Variants in BCAT1 observed in about 807,000 individuals in gnomAD.
BCAT1 encodes the protein branched-chain-amino-acid aminotransferase, cytosolic.
In BCAT1, 48 loss-of-function variants were observed where a neutral mutation model predicts 52.4. The ratio of observed to expected loss-of-function variants is 0.92; its 90% CI spans 0.73 to 1.16. The LOEUF is 1.16. Ranked by LOEUF, BCAT1 falls within the 50% of genes most tolerant of loss-of-function variation. The probability of loss-of-function intolerance (pLI) is 0.00; values close to 1 mark genes in which losing one functional copy is unlikely to be tolerated. For synonymous variants in BCAT1, 167 were observed against 161.3 expected, an observed-to-expected ratio of 1.04 and a Z score of -0.27; for missense variants, 451 against 457.1, an observed-to-expected ratio of 0.99 and a Z score of 0.12.
intron 2 of BCAT1, among the ~76,000 whole-genome samples, chr12:24,897,957 A>G (rs1379158029): frequency 6.6e-6 from 1 of 152,224 alleles, no homozygotes; most frequent in African/African-American, 2.4e-5. Flanking sequence ...AAAACTAAAA[A>G]TAACAACTTT....
intron 6 of BCAT1, 80 bp from the exon 7 acceptor site, chr12:24,842,304 G>A: frequency 2.0e-6 from 3 of 1,496,614 alleles, no homozygotes; most frequent in Non-Finnish European, 2.8e-6. Context: ...ATAGCCTCAA[G>A]CTCTTAATTC....
Position 24,894,486 on chromosome 12 carries a change from A to G in BCAT1, c.79-11T>C. 6.4e-7 allele frequency: 1 copy of G among 1,571,024 alleles called. No individual in the cohort carries two copies. Among genetic ancestry groups the G allele is most frequent in the Non-Finnish European group, 8.7e-7 (1 of 1,155,764 alleles). ...TATTAGGTCTTTAGCCTGGGGAAGA[A>G]AAATCATCACTATTTACAGAAAAGC... On this transcript the variant is annotated splice_polypyrimidine_tract_variant and intron_variant, in intron 2 of 10. Transcript: ENST00000261192.
rs1939697695 is a variant in BCAT1, at chr12:24,811,877, T to C, written c.*6131A>G. 1 of 152,120 alleles carries C rather than the reference T, an allele frequency of 6.6e-6. No individual in the cohort carries two copies. The highest frequency in any genetic ancestry group is 1.5e-5 in the Non-Finnish European group (1 of 67,974). The allele number at this position is 152,120 out of a possible 1,614,324, so 9.4% of individuals were successfully genotyped here. A position where few individuals can be genotyped will look rare whatever the true frequency, so the allele number is the denominator to read the frequency against. ...TAATTAAGTTGATATTCTGTTTCTA[T>C]CTATAAGCTCACATTTAAAAACTAC... On this transcript the variant is annotated 3_prime_UTR_variant, in exon 11 of 11. Coordinates refer to ENST00000261192, the MANE Select transcript of BCAT1 (RefSeq NM_005504.7).
intron 1 of BCAT1, among the ~76,000 whole-genome samples, chr12:24,905,374 T>C (rs926328195): frequency 1.3e-5 from 2 of 152,206 alleles, no homozygotes; most frequent in African/African-American, 2.4e-5. Context: ...GCAAATGAAA[T>C]TGGCTTCTTC....
chr12:24,825,111 T>TTG lies in BCAT1; in HGVS notation c.1119+4710_1119+4711dup, dbSNP rs71448088. Among the ~76,000 whole-genome samples the TTG allele has an allele frequency of 8.4e-3, 1,257 of 148,880 alleles. 13 individuals are homozygous for TTG. Among genetic ancestry groups the TTG allele is most frequent in the African/African-American group, 0.019 (774 of 40,248 alleles). On this transcript the variant is annotated intron_variant, in intron 10 of 10. Transcript: ENST00000261192. ...TTTTTTATGGCTGAATAGTACCACA[T>TTG]TGTGTGTGTGTGTGTGTGTGTGTGT...
chr12:24,879,347 T>C (rs1422325385), intron 4 of BCAT1, among the ~76,000 whole-genome samples: 2 of 152,024 alleles, frequency 1.3e-5, no homozygotes, highest in African/African-American at 2.4e-5. Flanking sequence ...AATAGGAAAA[T>C]GGGCAAAAGC....
At chr12:24,913,474 G>T (rs573538602) in intron 1 of BCAT1, among the ~76,000 whole-genome samples, 1 of 152,162 alleles carries the variant, frequency 6.6e-6, no homozygotes, top group Non-Finnish European at 1.5e-5. Context: ...GGCTGTCTGA[G>T]TATCTATTTG....
At chr12:24,831,132 A>G (rs1940648260) in intron 9 of BCAT1, among the ~76,000 whole-genome samples, 1 of 152,198 alleles carries the variant, frequency 6.6e-6, no homozygotes, top group Non-Finnish European at 1.5e-5. Context: ...AGCCTACTCA[A>G]CATGATGGAC....
intron 1 of BCAT1, among the ~76,000 whole-genome samples, chr12:24,935,894 C>T (rs188162959): frequency 1.3e-5 from 2 of 152,308 alleles, no homozygotes; most frequent in South Asian, 2.1e-4. Flanking sequence ...ACCAACAACA[C>T]ATTATGAAAA....
intron 5 of BCAT1, among the ~76,000 whole-genome samples, chr12:24,871,100 A>T (rs1289362665): frequency 6.6e-6 from 1 of 151,806 alleles, no homozygotes; most frequent in Non-Finnish European, 1.5e-5. Context: ...AAGTGGGGTC[A>T]CTTCTGATGC....
chr12:24,937,960 G>A (rs182423269), intron 1 of BCAT1, among the ~76,000 whole-genome samples: 1 of 152,242 alleles, frequency 6.6e-6, no homozygotes, highest in East Asian at 1.9e-4. Flanking sequence ...TGGCATATGA[G>A]GAATGTAGCA....
At chr12:24,829,771 A>AT (rs1940569802) in intron 10 of BCAT1, 52 bp downstream of exon 10, 3 of 1,401,734 alleles carry the variant, frequency 2.1e-6, no homozygotes, top group Non-Finnish European at 2.0e-6. Context: ...ATAAGGTGAC[A>AT]TAAAAAAAAG....
chr12:24,882,394 AAAAG>A (rs1297550569), intron 3 of BCAT1, among the ~76,000 whole-genome samples: 1 of 152,202 alleles, frequency 6.6e-6, no homozygotes, highest in Non-Finnish European at 1.5e-5. Flanking sequence ...ACATGGGAAA[AAAAG>A]AAATACAAAT....
intron 5 of BCAT1, among the ~76,000 whole-genome samples, chr12:24,851,181 T>C (rs1399169423): frequency 6.6e-6 from 1 of 152,200 alleles, no homozygotes; most frequent in Non-Finnish European, 1.5e-5. Flanking sequence ...GGCAGGACTC[T>C]TAGGTTAAGA....
At chr12:24,906,229 A>G (rs1261081148) in intron 1 of BCAT1, among the ~76,000 whole-genome samples, 2 of 152,030 alleles carry the variant, frequency 1.3e-5, no homozygotes, top group African/African-American at 4.8e-5. Context: ...AAGGTGGGAC[A>G]AGGATGAGAG....
intron 6 of BCAT1, among the ~76,000 whole-genome samples, chr12:24,842,889 T>C (rs1045102219): frequency 2.0e-5 from 3 of 152,226 alleles, no homozygotes; most frequent in African/African-American, 7.2e-5. Context: ...GGAATGACAA[T>C]TTAGTGTTAT....
At chr12:24,940,595 T>C (rs148934118) in intron 1 of BCAT1, among the ~76,000 whole-genome samples, 71 of 152,362 alleles carry the variant, frequency 4.7e-4, no homozygotes, top group Middle Eastern at 3.4e-3. Flanking sequence ...ATATGTTATA[T>C]GATTAATGTT....
At chr12:24,891,915 ATT>A (rs10616253) in intron 3 of BCAT1, among the ~76,000 whole-genome samples, 2,251 of 144,306 alleles carry the variant, frequency 0.016, 55 homozygotes, top group African/African-American at 0.053. Flanking sequence ...CGCCCGGCTA[ATT>A]TTTTTTTTTT....
At chr12:24,820,268 T>C (rs1940060914) in intron 10 of BCAT1, among the ~76,000 whole-genome samples, 1 of 152,202 alleles carries the variant, frequency 6.6e-6, no homozygotes, top group Admixed American at 6.5e-5. Flanking sequence ...AATCATAGCA[T>C]TCTGAGAAGT....
Sources: gnomAD v4.1 joint callset for allele counts (sites outside exome capture counted in the v4.1 genomes callset) on GRCh38, gnomAD v4.1.1 for gene constraint, MANE v1.5 for transcripts, NCBI Gene and HGNC (gene_info 2026-07-23, HGNC 2026-07-21) for gene names.